Variants in ACOT11 observed in about 807,000 individuals in gnomAD.
ACOT11 encodes acyl-coenzyme A thioesterase 11.
In ACOT11, 69 loss-of-function variants were observed where a neutral mutation model predicts 77.5. The ratio of observed to expected loss-of-function variants is 0.89; its 90% CI spans 0.73 to 1.09. The LOEUF is 1.09. Among genes scored for constraint, ACOT11 ranks in the 50% least tolerant of loss-of-function variants. The pLI is 0.00. For synonymous variants in ACOT11, 279 were observed against 313.0 expected (o/e 0.89, Z 1.15); for missense variants, 766 against 813.7 (o/e 0.94, Z 0.71).
rs754044316 is a variant in ACOT11, at chr1:54,597,243, TC to T, written c.608-13del. The T allele has an allele frequency of 3.7e-6, 6 of 1,609,524 alleles. No individual in the cohort carries two copies. The highest frequency in any genetic ancestry group is 3.4e-6 in the Non-Finnish European group (4 of 1,179,996). ...CTCACCTCCCTGCTTCCCTCCCTTA[TC>T]CCATCCCTGGTCAGATCTGGAGAGC... On this transcript the variant is annotated splice_polypyrimidine_tract_variant and intron_variant, in intron 6 of 15. Transcript: ENST00000343744.
chr1:54,574,322 T>C (rs1654027316), intron 1 of ACOT11, among the ~76,000 whole-genome samples: 1 of 152,174 alleles, frequency 6.6e-6, no homozygotes, highest in South Asian at 2.1e-4. Flanking sequence ...CTGCTCACAC[T>C]CTGCAGCCCA....
exon 17 of ACOT11, chr1:54,634,946 T>G: frequency 2.0e-6 from 1 of 504,972 alleles, no homozygotes; most frequent in Non-Finnish European, 3.5e-6. Context: ...AATGAATAAT[T>G]TAATGGTAGC....
At chr1:54,587,940 C>T (rs954804343) in intron 3 of ACOT11, among the ~76,000 whole-genome samples, 3 of 151,708 alleles carry the variant, frequency 2.0e-5, no homozygotes, top group Non-Finnish European at 4.4e-5. Flanking sequence ...CAAGGCCGGG[C>T]GCAGTGGCTT....
intron 1 of ACOT11, among the ~76,000 whole-genome samples, chr1:54,553,575 A>G (rs537621639): frequency 7.2e-5 from 11 of 152,320 alleles, no homozygotes; most frequent in African/African-American, 2.6e-4. Flanking sequence ...AATCTAATTA[A>G]CAGATACATT....
intron 1 of ACOT11, among the ~76,000 whole-genome samples, chr1:54,575,188 G>A (rs1356601933): frequency 6.6e-6 from 1 of 152,226 alleles, no homozygotes; most frequent in Non-Finnish European, 1.5e-5. Context: ...ACCTTAGGCA[G>A]GACTTGAGAT....
chr1:54,605,102 CA>C lies in ACOT11; in HGVS notation c.1265del (p.Lys422SerfsTer40). The C allele has an allele frequency of 6.2e-7, 1 of 1,613,926 alleles. No individual in the cohort carries two copies. Among genetic ancestry groups the C allele is most frequent in the Non-Finnish European group, 8.5e-7 (1 of 1,180,018 alleles). On this transcript the variant is annotated frameshift_variant, in exon 13 of 16. Transcript: ENST00000343744. LOFTEE classifies it high-confidence loss of function. ...QVRLYTLEDD[K>X]FLSFHMEMVV... Reference sequence around the variant, plus strand: ...TCCGCCTGTACACTCTGGAGGATGACAAGTTCCTCTCCTTCCACATGGAGAT... The same window carrying C: ...TCCGCCTGTACACTCTGGAGGATGACAGTTCCTCTCCTTCCACATGGAGAT...
At chr1:54,592,794 A>C (rs918691763) in intron 4 of ACOT11, among the ~76,000 whole-genome samples, 188 bp downstream of exon 4, 12 of 152,246 alleles carry the variant, frequency 7.9e-5, no homozygotes, top group African/African-American at 2.4e-4. Context: ...CCCAGAACAC[A>C]GACAGGAAAA....
intron 8 of ACOT11, 155 bp downstream of exon 8, chr1:54,599,570 T>G: frequency 1.1e-6 from 1 of 929,366 alleles, no homozygotes; most frequent in Non-Finnish European, 1.4e-6. Context: ...GAAATTCAGC[T>G]CTGATTTTCC....
At chr1:54,610,439 C>T (rs192037002), downstream of ACOT11, 29 of 1,613,556 alleles carry the variant, frequency 1.8e-5, no homozygotes, top group East Asian at 2.0e-4. Context: ...GCTGTTTTAC[C>T]GCTGCCCTGG....
chr1:54,571,698 C>T (rs1653934335), intron 1 of ACOT11, among the ~76,000 whole-genome samples: 1 of 152,190 alleles, frequency 6.6e-6, no homozygotes, highest in African/African-American at 2.4e-5. Context: ...GGAATGTTTT[C>T]TTGAACACTC....
rs1439724030 is a variant in ACOT11, at chr1:54,608,055, A to G, written c.1616A>G (p.Asp539Gly). 1.2e-6 allele frequency: 2 copies of G among 1,610,282 alleles called. No individual in the cohort carries two copies. The highest frequency in any genetic ancestry group is 1.7e-5 in the Admixed American group (1 of 59,828). The change falls in exon 15 of 16, where the codon GAC becomes GGC. Residue 539 changes from aspartate (D) to glycine (G), a missense_variant. By Grantham distance (94) the Asp-to-Gly change is moderately conservative. Coordinates refer to ENST00000343744, the MANE Select transcript of ACOT11 (RefSeq NM_147161.4). ...GGCTTCTGCCTCTGGCGCGAGGGGGACCAGCTGACCAAGGTGAGGCCGGTC... is the reference window on the plus strand; with the variant it reads ...GGCTTCTGCCTCTGGCGCGAGGGGGGCCAGCTGACCAAGGTGAGGCCGGTC... Reference protein sequence around the residue: ...CSGFCLWREGDQLTKVSYYNQ... With the variant: ...CSGFCLWREGGQLTKVSYYNQ...
rs767625864 is a variant in ACOT11, at chr1:54,620,845, C to CAAAAAAAAAA, written c.1630-9866_1630-9857dup. Among the ~76,000 whole-genome samples the CAAAAAAAAAA allele has an allele frequency of 2.1e-3, 25 of 12,130 alleles. 7 individuals carry two copies. Among genetic ancestry groups the CAAAAAAAAAA allele is most frequent in the Non-Finnish European group, 3.5e-3 (23 of 6,666 alleles). The allele number at this position is 12,130 out of a possible 152,430, so 8.0% of individuals were successfully genotyped here. A position where few individuals can be genotyped will look rare whatever the true frequency, so the allele number is the denominator to read the frequency against. ...CCTGGATGACACAAAGAGACTCTGTCAAAAAAAAAAAAAAAAAAAAAAAAA... is the reference window on the plus strand; with the variant it reads ...CCTGGATGACACAAAGAGACTCTGTCAAAAAAAAAAAAAAAAAAAAAAAAAAAAAAAAAAA... On this transcript the variant is annotated intron_variant, in intron 15 of 16. Transcript: ENST00000371316.
chr1:54,589,531 C>A (rs1654630417), intron 3 of ACOT11, among the ~76,000 whole-genome samples: 3 of 152,074 alleles, frequency 2.0e-5, no homozygotes, highest in Admixed American at 2.0e-4. Flanking sequence ...GGTGCAGTGG[C>A]ACCATCATAG....
At chr1:54,608,253 T>G (rs1363817368) in intron 15 of ACOT11, among the ~76,000 whole-genome samples, 185 bp downstream of exon 15, 1 of 152,070 alleles carries the variant, frequency 6.6e-6, no homozygotes, top group Non-Finnish European at 1.5e-5. Context: ...TACAGGTAAG[T>G]CAGAGGCCAC....
chr1:54,550,480 AC>A (rs1653023089), intron 1 of ACOT11, among the ~76,000 whole-genome samples: 1 of 152,150 alleles, frequency 6.6e-6, no homozygotes, highest in Non-Finnish European at 1.5e-5. Context: ...CTGGCTTGGT[AC>A]CAAAGCTGTT....
At chr1:54,617,708 GATTTTTTTTTTTTTT>G (rs1169903322) in intron 15 of ACOT11, among the ~76,000 whole-genome samples, 4 of 72,562 alleles carry the variant, frequency 5.5e-5, no homozygotes, top group African/African-American at 1.6e-4. Flanking sequence ...CAGGGCCTGA[GATTTTTTTTTTTTTT>G]TTTTTTTTTT....
At position 54,601,262 on chromosome 1, in the gene ACOT11, C is replaced by T. The variant is rs1365740507; in HGVS notation, c.885-7C>T. ...TCCAGGTTGGAAGCCACACTCCCTC[C>T]CCTCAGCATGGAGGTGGGCGTGTGC... is the stretch of plus-strand genomic sequence containing the variant. On this transcript the variant is annotated splice_region_variant and splice_polypyrimidine_tract_variant and intron_variant, in intron 8 of 15. Coordinates refer to ENST00000343744, the MANE Select transcript of ACOT11 (RefSeq NM_147161.4). The T allele has an allele frequency of 3.7e-6, 6 of 1,608,704 alleles. No homozygotes were observed. The highest frequency in any genetic ancestry group is 1.3e-5 in the African/African-American group (1 of 74,918).
chr1:54,583,259 C>T lies in ACOT11; in HGVS notation c.34-1396C>T, dbSNP rs139470991. Among the ~76,000 whole-genome samples, 1,325 of 152,222 alleles carry T rather than the reference C, an allele frequency of 8.7e-3. 16 individuals are homozygous for T. Among genetic ancestry groups the T allele is most frequent in the African/African-American group, 0.03 (1,258 of 41,524 alleles). On this transcript the variant is annotated intron_variant, in intron 1 of 15. Transcript: ENST00000343744. ...TACCCAGGGGCTCTTGGGAATAAGCCGTGTTTCTGGGAACCCATAAGCCGT... is the reference window on the plus strand; with the variant it reads ...TACCCAGGGGCTCTTGGGAATAAGCTGTGTTTCTGGGAACCCATAAGCCGT...
rs1177303975 is a variant in ACOT11 at position 54,629,929 on chromosome 1, T to C, written c.1630-805T>C. Among the ~76,000 whole-genome samples the C allele has an allele frequency of 1.5e-5, 2 of 133,946 alleles. 1 individual carries two copies. Among genetic ancestry groups the C allele is most frequent in the Non-Finnish European group, 3.4e-5 (2 of 59,196 alleles). 87.9% of individuals were successfully genotyped at this position (133,946 alleles called of 152,430 possible). On this transcript the variant is annotated intron_variant, in intron 15 of 16. Coordinates refer to the ACOT11 transcript ENST00000371316. ...TTATTTTTATGTTTGAGACGGAGTC[T>C]TGCTCTGTCGCCCAGGCTGGAGTGC... is the stretch of plus-strand genomic sequence containing the variant.
Sources: allele counts gnomAD v4.1 joint callset (sites outside exome capture counted in the v4.1 genomes callset), GRCh38; gene constraint gnomAD v4.1.1; transcripts MANE v1.5; gene names NCBI Gene and HGNC (gene_info 2026-07-23, HGNC 2026-07-21).